The following IGSF10 variants were observed in gnomAD, a reference collection of about 807,000 sequenced individuals.
IGSF10 encodes calvaria mechanical force protein 608.
In IGSF10, 126 loss-of-function variants were observed where a neutral mutation model predicts 128.2. That is an observed-to-expected ratio of 0.98 (90% CI 0.85 to 1.14). The LOEUF (loss-of-function observed/expected upper bound fraction) is 1.14. Ranked by LOEUF, IGSF10 falls within the 50% of genes most tolerant of loss-of-function variation. The pLI is 0.00. For missense variants in IGSF10, 3,295 were observed against 3,149.8 expected (o/e 1.05, Z -1.10); for synonymous variants, 1,185 against 1,146.2 (o/e 1.03, Z -0.68).
Position 151,460,268 on chromosome 3 carries a change from CTTCT to C in IGSF10, c.-13_-10del. The C allele has an allele frequency of 5.2e-6, 5 of 962,730 alleles. No individual in the cohort carries two copies. The highest frequency in any genetic ancestry group is 6.2e-6 in the Non-Finnish European group (5 of 809,210). The allele number at this position is 962,730 out of a possible 1,614,324, so 59.6% of individuals were successfully genotyped here. A position where few individuals can be genotyped will look rare whatever the true frequency, so the allele number is the denominator to read the frequency against. ...AATAGGAATTGGCAATACCTGAGCT[CTTCT>C]TTCAGGTCCTGAGTCCTCTTGTGAC... On this transcript the variant is annotated 5_prime_UTR_variant, in exon 2 of 8. Transcript: ENST00000282466.
At chr3:151,515,146 C>G in the IGSF10 span, among the ~76,000 whole-genome samples, 4 of 152,062 alleles carry the variant, frequency 2.6e-5, no homozygotes. Context: ...ATAAATCATG[C>G]TGCTATAAAG....
the IGSF10 span, among the ~76,000 whole-genome samples, chr3:151,524,126 A>G: frequency 6.6e-6 from 1 of 152,152 alleles, no homozygotes; most frequent in Non-Finnish European, 1.5e-5. Context: ...AGTAGAAAAA[A>G]TAACAGGTGC....
the IGSF10 span, among the ~76,000 whole-genome samples, chr3:151,504,263 T>C: frequency 3.9e-5 from 6 of 152,160 alleles, no homozygotes; most frequent in Non-Finnish European, 5.9e-5. Context: ...TGGAGTTGGT[T>C]AGGTTAGGTC....
At chr3:151,463,549 T>TTTTTTTTTTTTTTTTTTTTTTTGGG (rs1722162564), upstream of IGSF10, among the ~76,000 whole-genome samples, 1 of 110,526 alleles carries the variant, frequency 9.0e-6, no homozygotes, top group African/African-American at 3.6e-5. Context: ...TTTTTTTTTT[T>TTTTTTTTTTTTTTTTTTTTTTTGGG]TTTTTTTTTT....
At chr3:151,495,751 G>A in the IGSF10 span, among the ~76,000 whole-genome samples, 1 of 151,896 alleles carries the variant, frequency 6.6e-6, no homozygotes, top group African/African-American at 2.4e-5. Flanking sequence ...CAAATATTGA[G>A]GATTTCTCAC....
At chr3:151,460,218 G>C (rs765618141) in intron 2 of IGSF10, 43 bp downstream of exon 2, 1 of 566,778 alleles carries the variant, frequency 1.8e-6, no homozygotes, top group Non-Finnish European at 2.2e-6. Flanking sequence ...TCTCACAAAC[G>C]TAAGGCTGAA....
rs1174246179 is a variant in IGSF10, at chr3:151,448,449, A to G, written c.1532T>C (p.Leu511Pro). Residue 511 changes from leucine (L) to proline (P), a missense_variant, in exon 6 of 8, where the codon CTA becomes CCA. Transcript: ENST00000282466. ...GDPTPHVDWL[L>P]ADGSKVRAPY... ...GGCTCTCACTTTACTTCCATCAGCTAGAAGCCAATCCACGTGTGGGGTGGG... is the reference window on the plus strand; with the variant it reads ...GGCTCTCACTTTACTTCCATCAGCTGGAAGCCAATCCACGTGTGGGGTGGG... The G allele has an allele frequency of 6.2e-7, 1 of 1,614,236 alleles. No homozygotes were observed.
At chr3:151,454,326 C>T (rs9812989) in intron 4 of IGSF10, among the ~76,000 whole-genome samples, 119,014 of 152,112 alleles carry the variant, frequency 0.78, 46,850 homozygotes, top group Middle Eastern at 0.96. Flanking sequence ...CCAGGAATGA[C>T]TGTTAAAATT....
chr3:151,569,781 C>T, the IGSF10 span, among the ~76,000 whole-genome samples: 3 of 152,222 alleles, frequency 2.0e-5, no homozygotes, highest in African/African-American at 4.8e-5. Flanking sequence ...AGGTGCACAG[C>T]GTGCAGGTTT....
chr3:151,602,937 T>A, the IGSF10 span, among the ~76,000 whole-genome samples: 1 of 152,244 alleles, frequency 6.6e-6, no homozygotes. Flanking sequence ...GGTAAAGCGG[T>A]TGAAGGACAA....
chr3:151,571,562 A>G, the IGSF10 span, among the ~76,000 whole-genome samples: 4,004 of 152,200 alleles, frequency 0.026, 171 homozygotes, highest in African/African-American at 0.091. Flanking sequence ...ATTTTTGCAC[A>G]TTGATTTTGT....
the IGSF10 span, among the ~76,000 whole-genome samples, chr3:151,604,231 T>C: frequency 3.9e-5 from 6 of 152,290 alleles, no homozygotes; most frequent in Admixed American, 1.3e-4. Flanking sequence ...AGTCTGATAC[T>C]AAATCTGTCT....
At chr3:151,530,204 G>A in the IGSF10 span, among the ~76,000 whole-genome samples, 1 of 151,992 alleles carries the variant, frequency 6.6e-6, no homozygotes. Context: ...AAAAATATGG[G>A]ACTATGTGAA....
chr3:151,455,741 CT>C, intron 4 of IGSF10, among the ~76,000 whole-genome samples: 1 of 152,134 alleles, frequency 6.6e-6, no homozygotes, highest in South Asian at 2.1e-4. Flanking sequence ...GTGTCTTATA[CT>C]TTTTGGTTAT....
chr3:151,611,550 G>A, the IGSF10 span, among the ~76,000 whole-genome samples: 8 of 152,206 alleles, frequency 5.3e-5, no homozygotes, highest in South Asian at 2.1e-4. Context: ...AATGTCTTTC[G>A]GAATTTCTTT....
At position 151,437,584 on chromosome 3, in the gene IGSF10, A is replaced by G. The variant is rs1246907997; in HGVS notation, c.6977T>C (p.Val2326Ala). Reference sequence around the variant, plus strand: ...CAGCATTTCCAGTACTTCTAACTGTACTACCAACACGCTCTCTCCACCTTC... The same window carrying G: ...CAGCATTTCCAGTACTTCTAACTGTGCTACCAACACGCTCTCTCCACCTTC... Reference protein sequence around the residue: ...RNEGGESVLVVQLEVLEMLRR... With the variant: ...RNEGGESVLVAQLEVLEMLRR... The change falls in exon 8 of 8, where the codon GTA (valine) becomes GCA (alanine). Residue 2326 changes from valine to alanine, a missense_variant. By Grantham distance (64) the Val-to-Ala change is moderately conservative. Transcript: ENST00000282466. The G allele has an allele frequency of 1.2e-6, 2 of 1,614,172 alleles. No homozygotes were observed. Among genetic ancestry groups the G allele is most frequent in the Admixed American group, 3.3e-5 (2 of 60,022 alleles).
chr3:151,545,728 TCTC>T, the IGSF10 span, among the ~76,000 whole-genome samples: 7 of 152,214 alleles, frequency 4.6e-5, no homozygotes, highest in African/African-American at 1.7e-4. Context: ...TCTGCTGTCA[TCTC>T]CTCACCTTTC....
the IGSF10 span, among the ~76,000 whole-genome samples, chr3:151,493,264 T>C: frequency 6.6e-6 from 1 of 152,198 alleles, no homozygotes; most frequent in South Asian, 2.1e-4. Flanking sequence ...CTGGTTTTTG[T>C]TAAATAAGTA....
chr3:151,617,760 G>GT, the IGSF10 span, among the ~76,000 whole-genome samples: 6 of 152,230 alleles, frequency 3.9e-5, no homozygotes, highest in Non-Finnish European at 8.8e-5. Flanking sequence ...AATCCCCAGT[G>GT]TAACAGTATT....
Sources: gnomAD v4.1 joint callset for allele counts (sites outside exome capture counted in the v4.1 genomes callset) on GRCh38, gnomAD v4.1.1 for gene constraint, MANE v1.5 for transcripts, NCBI Gene and HGNC (gene_info 2026-07-23, HGNC 2026-07-21) for gene names.